GLT8D2: variants seen among roughly 807,000 people sequenced by gnomAD.
GLT8D2 encodes the protein glycosyltransferase 8 domain-containing protein 2.
A neutral mutation model predicts 44.5 loss-of-function variants in GLT8D2; 45 were observed. That is an observed-to-expected ratio of 1.01 (90% CI 0.80 to 1.30). The LOEUF (loss-of-function observed/expected upper bound fraction) is 1.30. Among genes scored for constraint, GLT8D2 ranks in the 50% most tolerant of loss-of-function variants. The pLI is 0.00. For synonymous variants in GLT8D2, 156 were observed against 157.2 expected, an observed-to-expected ratio of 0.99 and a Z score of 0.06; for missense variants, 400 against 430.4, an observed-to-expected ratio of 0.93 and a Z score of 0.62.
intron 1 of GLT8D2, chr12:104,030,686 A>G (rs563823098): frequency 3.2e-6 from 5 of 1,585,056 alleles, no homozygotes; most frequent in East Asian, 4.5e-5. Flanking sequence ...CATACAACTC[A>G]ATAGCAAAAA....
At chr12:104,061,393 T>G (rs1296557118) in intron 1 of GLT8D2, among the ~76,000 whole-genome samples, 1 of 152,204 alleles carries the variant, frequency 6.6e-6, no homozygotes, top group Non-Finnish European at 1.5e-5. Flanking sequence ...CCTTTAACCT[T>G]GTGCTATAAG....
intron 4 of GLT8D2, among the ~76,000 whole-genome samples, chr12:104,008,052 T>C (rs2136317872): frequency 6.6e-6 from 1 of 152,332 alleles, no homozygotes; most frequent in African/African-American, 2.4e-5. Flanking sequence ...ATCAGCAGCA[T>C]GAAAACGGAC....
chr12:104,021,174 TC>T (rs1877569635), intron 2 of GLT8D2, among the ~76,000 whole-genome samples, 182 bp downstream of exon 2: 1 of 152,052 alleles, frequency 6.6e-6, no homozygotes, highest in African/African-American at 2.4e-5. Context: ...CTGGCAGAGT[TC>T]CCCCCTCAGG....
chr12:104,026,308 T>C (rs1003979855), intron 1 of GLT8D2, among the ~76,000 whole-genome samples: 5 of 151,716 alleles, frequency 3.3e-5, no homozygotes, highest in African/African-American at 9.7e-5. Context: ...TCAATAATGT[T>C]CTCAGAGTAC....
chr12:104,016,737 A>G lies in GLT8D2; in HGVS notation c.20-1632T>C, dbSNP rs1251744150. Among the ~76,000 whole-genome samples the G allele has an allele frequency of 5.3e-3, 492 of 92,516 alleles. 5 individuals are homozygous for G. The highest frequency in any genetic ancestry group is 8.0e-3 in the Non-Finnish European group (360 of 45,230). The allele number at this position is 92,516 out of a possible 152,430, so 60.7% of individuals were successfully genotyped here. On this transcript the variant is annotated intron_variant, in intron 3 of 10. Coordinates refer to ENST00000360814, the MANE Select transcript of GLT8D2 (RefSeq NM_001384711.1). ...AAAGAAAGAAAGAAAGAAAGAAAGA[A>G]AGAAAGAAAGAAAGAAAGAAAGAAA...
intron 1 of GLT8D2, among the ~76,000 whole-genome samples, chr12:104,022,844 C>T (rs951910378): frequency 6.6e-6 from 1 of 152,150 alleles, no homozygotes. Context: ...CTATAACTGT[C>T]ACATCATCAA....
intron 1 of GLT8D2, among the ~76,000 whole-genome samples, chr12:104,032,939 G>A (rs1283103869): frequency 2.0e-5 from 3 of 151,392 alleles, no homozygotes; most frequent in Non-Finnish European, 4.4e-5. Context: ...GAATGCAGTG[G>A]CACAATCTTG....
chr12:104,027,740 C>G (rs1263952739), intron 1 of GLT8D2, among the ~76,000 whole-genome samples: 1 of 152,154 alleles, frequency 6.6e-6, no homozygotes, highest in Non-Finnish European at 1.5e-5. Context: ...CAAATGAGGA[C>G]ATTGTGGCTC....
At chr12:104,022,397 A>G (rs1249374156) in intron 1 of GLT8D2, among the ~76,000 whole-genome samples, 1 of 152,204 alleles carries the variant, frequency 6.6e-6, no homozygotes, top group Non-Finnish European at 1.5e-5. Flanking sequence ...CCTGTTTCAC[A>G]TTGTTATACA....
chr12:104,016,819 G>A (rs67788390), intron 3 of GLT8D2, among the ~76,000 whole-genome samples: 4 of 66,190 alleles, frequency 6.0e-5, no homozygotes, highest in South Asian at 1.1e-3. Context: ...AAGAAAGAAA[G>A]AGAAAGAAAA....
At chr12:104,030,277 G>A (rs1054984072) in intron 1 of GLT8D2, among the ~76,000 whole-genome samples, 2 of 152,090 alleles carry the variant, frequency 1.3e-5, no homozygotes, top group African/African-American at 4.8e-5. Context: ...TTAGTAAGTG[G>A]TGCTGGGAAA....
At chr12:103,990,249 A>G (rs1211421136) in intron 10 of GLT8D2, among the ~76,000 whole-genome samples, 1 of 151,546 alleles carries the variant, frequency 6.6e-6, no homozygotes, top group East Asian at 1.9e-4. Flanking sequence ...CCTCCCACCC[A>G]AGAGTTTATA....
At chr12:103,991,242 A>C (rs1872711519) in intron 10 of GLT8D2, among the ~76,000 whole-genome samples, 1 of 152,102 alleles carries the variant, frequency 6.6e-6, no homozygotes, top group Non-Finnish European at 1.5e-5. Flanking sequence ...ACTGGAGTGC[A>C]GTGGCATGAT....
intron 8 of GLT8D2, 73 bp downstream of exon 8, chr12:103,996,662 T>C: frequency 9.4e-7 from 1 of 1,068,586 alleles, no homozygotes; most frequent in Non-Finnish European, 1.4e-6. Context: ...ACACTCATTT[T>C]GACTTGCAGA....
At chr12:103,995,250 A>C (rs1873266323) in intron 8 of GLT8D2, among the ~76,000 whole-genome samples, 3 of 152,068 alleles carry the variant, frequency 2.0e-5, no homozygotes. Flanking sequence ...ATAGCTTCCC[A>C]TCTCATTCAC....
chr12:104,018,129 C>G (rs920913839), intron 3 of GLT8D2, among the ~76,000 whole-genome samples: 1 of 151,970 alleles, frequency 6.6e-6, no homozygotes, highest in Non-Finnish European at 1.5e-5. Flanking sequence ...ATCACCACAC[C>G]TGGCTAATTT....
chr12:104,000,662 G>T lies in GLT8D2; in HGVS notation c.285-1148C>A, dbSNP rs559475172. On this transcript the variant is annotated intron_variant, in intron 5 of 10. Transcript: ENST00000360814. ...TGCCTTTTGTTAAGGACAAACCCTT[G>T]CCCAGAAACCTTATACATGCCATCC... is the stretch of plus-strand genomic sequence containing the variant. Among the ~76,000 whole-genome samples the T allele has an allele frequency of 3.2e-3, 488 of 152,318 alleles. 3 individuals carry two copies. Among genetic ancestry groups the T allele is most frequent in the Non-Finnish European group, 5.6e-3 (382 of 68,028 alleles).
At chr12:103,992,052 T>A (rs1872804607) in intron 10 of GLT8D2, among the ~76,000 whole-genome samples, 1 of 152,310 alleles carries the variant, frequency 6.6e-6, no homozygotes, top group African/African-American at 2.4e-5. Flanking sequence ...AAAACCTAGA[T>A]CCCACTCAGC....
At chr12:104,054,202 C>T (rs1881978376), upstream of GLT8D2, among the ~76,000 whole-genome samples, 2 of 152,172 alleles carry the variant, frequency 1.3e-5, no homozygotes, top group Middle Eastern at 6.8e-3. Flanking sequence ...ACCACCATTC[C>T]ACCTACTCCC....
Sources: allele counts gnomAD v4.1 joint callset (sites outside exome capture counted in the v4.1 genomes callset), GRCh38; gene constraint gnomAD v4.1.1; transcripts MANE v1.5; gene names NCBI Gene and HGNC (gene_info 2026-07-23, HGNC 2026-07-21).